CNTN4: variants seen among roughly 807,000 people sequenced by gnomAD.
The protein encoded by CNTN4 is contactin 4, also known as contactin-4.
In CNTN4, 77 loss-of-function variants were observed where a neutral mutation model predicts 122.5. The observed-to-expected ratio is 0.63, with a 90% CI of 0.52 to 0.76. The LOEUF is 0.76. Among genes scored for constraint, CNTN4 ranks in the 30% least tolerant of loss-of-function variants. The probability of loss-of-function intolerance (pLI) is 0.00; values close to 1 mark genes in which losing one functional copy is unlikely to be tolerated. For missense variants in CNTN4, 1,256 were observed against 1,259.1 expected (o/e 1.00, Z 0.04); for synonymous variants, 512 against 447.0 (o/e 1.15, Z -1.83).
At chr3:2,739,123 C>T (rs2089309667) in intron 5 of CNTN4, among the ~76,000 whole-genome samples, 1 of 151,918 alleles carries the variant, frequency 6.6e-6, no homozygotes, top group Non-Finnish European at 1.5e-5. Context: ...ACCAAAAATT[C>T]AGTAAACATA....
chr3:2,140,870 G>A (rs2034960337), intron 2 of CNTN4, among the ~76,000 whole-genome samples: 1 of 152,152 alleles, frequency 6.6e-6, no homozygotes, highest in South Asian at 2.1e-4. Flanking sequence ...TCTTTGATAT[G>A]TGTATGAGTT....
intron 3 of CNTN4, among the ~76,000 whole-genome samples, chr3:2,568,036 A>G (rs558531353): frequency 2.0e-5 from 3 of 152,182 alleles, no homozygotes; most frequent in South Asian, 2.1e-4. Flanking sequence ...CTGCACACCC[A>G]GCACCTAGCA....
intron 10 of CNTN4, among the ~76,000 whole-genome samples, chr3:2,894,127 C>G (rs2094078357): frequency 6.6e-6 from 1 of 152,082 alleles, no homozygotes; most frequent in Non-Finnish European, 1.5e-5. Context: ...TTGCAAATCT[C>G]TGTAATGTCT....
At position 2,772,595 on chromosome 3, in the gene CNTN4, G is replaced by A. The variant is rs889305133; in HGVS notation, c.358+26898G>A. Among the ~76,000 whole-genome samples, 33 of 152,248 alleles carry A rather than the reference G, an allele frequency of 2.2e-4. 1 individual carries two copies. The highest frequency in any genetic ancestry group is 2.9e-4 in the African/African-American group (12 of 41,556). ...TTATCACACAAACCTGGATTCTTATGAGTGTGAAAAGTGCCACTGTCAATA... is the reference window on the plus strand; with the variant it reads ...TTATCACACAAACCTGGATTCTTATAAGTGTGAAAAGTGCCACTGTCAATA... On this transcript the variant is annotated intron_variant, in intron 6 of 24. Coordinates refer to ENST00000418658, the MANE Select transcript of CNTN4 (RefSeq NM_175607.3).
chr3:2,426,127 G>A lies in CNTN4; in HGVS notation c.-89+86894G>A, dbSNP rs563235548. Among the ~76,000 whole-genome samples the A allele has an allele frequency of 1.5e-4, 23 of 152,184 alleles. No homozygotes were observed. The South Asian group carries it at 4.6e-3, about 30-fold the overall frequency. ...ATGTTGAATAGGAGTGGTGAGAGAG[G>A]GCATCCCTGTCTTGTGCCAGTTTGC... On this transcript the variant is annotated intron_variant, in intron 3 of 24. Coordinates refer to ENST00000418658, the MANE Select transcript of CNTN4 (RefSeq NM_175607.3).
chr3:3,044,033 A>G (rs1271772467), intron 23 of CNTN4, among the ~76,000 whole-genome samples: 2 of 152,126 alleles, frequency 1.3e-5, no homozygotes, highest in Non-Finnish European at 2.9e-5. Flanking sequence ...GTCTCGGTTT[A>G]TATATATTTT....
intron 2 of CNTN4, among the ~76,000 whole-genome samples, chr3:2,274,619 A>G (rs370647610): frequency 4.7e-4 from 71 of 152,098 alleles, no homozygotes; most frequent in Admixed American, 4.6e-4. Flanking sequence ...GCTGTCTCCA[A>G]TGGCATTCTC....
At chr3:2,401,267 C>G (rs2150968127) in intron 3 of CNTN4, among the ~76,000 whole-genome samples, 1 of 152,204 alleles carries the variant, frequency 6.6e-6, no homozygotes, top group Non-Finnish European at 1.5e-5. Context: ...CAAGAGGTTT[C>G]TCAAGGTCAG....
chr3:2,394,057 C>T (rs13068208), intron 3 of CNTN4, among the ~76,000 whole-genome samples: 17,014 of 151,892 alleles, frequency 0.11, 1,233 homozygotes, highest in Middle Eastern at 0.17. Flanking sequence ...GGGTTATCCA[C>T]GTAAAATCAA....
chr3:2,905,051 T>G (rs1490128793), intron 12 of CNTN4, among the ~76,000 whole-genome samples: 3 of 152,198 alleles, frequency 2.0e-5, no homozygotes, highest in African/African-American at 7.2e-5. Context: ...GTACGCATAA[T>G]GGCTTAAAAC....
At chr3:2,881,954 C>T (rs1249109651) in intron 8 of CNTN4, among the ~76,000 whole-genome samples, 1 of 152,160 alleles carries the variant, frequency 6.6e-6, no homozygotes, top group Non-Finnish European at 1.5e-5. Flanking sequence ...ATTCCAAACT[C>T]TTTATGGGCA....
intron 17 of CNTN4, among the ~76,000 whole-genome samples, chr3:3,036,496 C>G (rs1043084022): frequency 3.9e-5 from 6 of 152,126 alleles, no homozygotes; most frequent in African/African-American, 1.2e-4. Flanking sequence ...GGCGCAGTGG[C>G]TCACAACTGT....
chr3:2,261,994 C>T (rs1357498), intron 2 of CNTN4, among the ~76,000 whole-genome samples: 24,089 of 152,104 alleles, frequency 0.16, 2,477 homozygotes, highest in East Asian at 0.44. Flanking sequence ...CTACTTATTA[C>T]CCAGGCTTTT....
intron 3 of CNTN4, among the ~76,000 whole-genome samples, chr3:2,456,071 G>C: frequency 6.6e-6 from 1 of 152,088 alleles, no homozygotes; most frequent in East Asian, 1.9e-4. Flanking sequence ...GTACTATCAT[G>C]AATTGAGGTG....
chr3:3,001,119 G>T (rs1433671148), intron 14 of CNTN4, among the ~76,000 whole-genome samples: 1 of 152,176 alleles, frequency 6.6e-6, no homozygotes, highest in African/African-American at 2.4e-5. Flanking sequence ...AGTTGAGGCA[G>T]TTGGGCAGAT....
chr3:2,973,003 G>A (rs1165399974), intron 13 of CNTN4, among the ~76,000 whole-genome samples: 7 of 151,976 alleles, frequency 4.6e-5, no homozygotes, highest in African/African-American at 1.7e-4. Context: ...TTAAATAGGA[G>A]AGGACCCATG....
intron 2 of CNTN4, among the ~76,000 whole-genome samples, chr3:2,102,479 C>G (rs2032060860): frequency 6.6e-6 from 1 of 152,054 alleles, no homozygotes; most frequent in African/African-American, 2.4e-5. Flanking sequence ...ATAACAGATC[C>G]AAAAGGGATA....
chr3:2,606,125 A>G (rs1416374204), intron 4 of CNTN4, among the ~76,000 whole-genome samples: 2 of 152,144 alleles, frequency 1.3e-5, no homozygotes, highest in African/African-American at 4.8e-5. Flanking sequence ...ATTGCAGTTT[A>G]AATATCGAAT....
At chr3:2,364,098 T>G (rs549350558) in intron 3 of CNTN4, among the ~76,000 whole-genome samples, 2 of 152,068 alleles carry the variant, frequency 1.3e-5, no homozygotes, top group Non-Finnish European at 2.9e-5. Context: ...CCTTGTCTAG[T>G]TGGGGGCTTG....
Sources: allele counts gnomAD v4.1 joint callset (sites outside exome capture counted in the v4.1 genomes callset), GRCh38; gene constraint gnomAD v4.1.1; transcripts MANE v1.5; gene names NCBI Gene and HGNC (gene_info 2026-07-23, HGNC 2026-07-21).